GRID2: variants seen among roughly 807,000 people sequenced by gnomAD.
GRID2 encodes the protein glutamate receptor ionotropic, delta-2.
Under a neutral mutation model 114.8 loss-of-function variants are expected in GRID2, and 33 were observed. The observed-to-expected ratio is 0.29, with a 90% CI of 0.22 to 0.38. GRID2 has a LOEUF of 0.38. GRID2 is among the 10% of genes least tolerant of loss of function. GRID2 has a pLI of 1.00. For synonymous variants in GRID2, 505 were observed against 449.9 expected (o/e 1.12, Z -1.55); for missense variants, 1,184 against 1,257.7 (o/e 0.94, Z 0.89).
chr4:92,805,646 T>G (rs907102801), intron 2 of GRID2, among the ~76,000 whole-genome samples: 11 of 151,950 alleles, frequency 7.2e-5, no homozygotes, highest in Non-Finnish European at 1.5e-4. Flanking sequence ...TAAAGGAAGA[T>G]GATTTGCTTG....
chr4:92,684,800 G>C lies in GRID2; in HGVS notation c.244+94514G>C, dbSNP rs541857578. Among the ~76,000 whole-genome samples, 3 of 152,178 alleles carry C rather than the reference G, an allele frequency of 2.0e-5. No homozygotes were observed. The East Asian group carries it at 5.8e-4, about 29-fold the overall frequency. On this transcript the variant is annotated intron_variant, in intron 2 of 15. Coordinates refer to ENST00000282020, the MANE Select transcript of GRID2 (RefSeq NM_001510.4). Reference sequence around the variant, plus strand: ...TAAGGATAACATAATGTTTGTGGTTGTCAGATGATTTTTAGACTTATGAAA... The same window carrying C: ...TAAGGATAACATAATGTTTGTGGTTCTCAGATGATTTTTAGACTTATGAAA...
chr4:92,523,999 G>A (rs17318607), intron 1 of GRID2, among the ~76,000 whole-genome samples: 32,684 of 151,926 alleles, frequency 0.22, 4,237 homozygotes, highest in Non-Finnish European at 0.28. Context: ...GCTTAAAGGG[G>A]AATTTTACTT....
chr4:92,754,030 A>C (rs989093145), intron 2 of GRID2, among the ~76,000 whole-genome samples: 1 of 152,218 alleles, frequency 6.6e-6, no homozygotes, highest in African/African-American at 2.4e-5. Flanking sequence ...CAACATAAAC[A>C]CAAACACATC....
At chr4:93,706,961 T>C (rs1004265556) in intron 14 of GRID2, among the ~76,000 whole-genome samples, 1 of 152,090 alleles carries the variant, frequency 6.6e-6, no homozygotes, top group African/African-American at 2.4e-5. Flanking sequence ...AATTGAAATA[T>C]CATATGATTT....
chr4:93,506,032 C>T (rs1261362773), intron 12 of GRID2, among the ~76,000 whole-genome samples: 2 of 152,138 alleles, frequency 1.3e-5, no homozygotes, highest in East Asian at 1.9e-4. Context: ...TCCATCTTCC[C>T]TTAGATTCTC....
In GRID2 at chr4:93,575,483, AGAAGCC is replaced by A. The variant is rs1736337322; in HGVS notation, c.2194-50782_2194-50777del. ...AATATGTAGGCTTTGATGGTTTTGT[AGAAGCC>A]GAATCCTTCCCATATCTGCCACTTA... is the stretch of plus-strand genomic sequence containing the variant. On this transcript the variant is annotated intron_variant, in intron 13 of 15. Transcript: ENST00000282020. Among the ~76,000 whole-genome samples the A allele has an allele frequency of 2.6e-5, 4 of 152,282 alleles. No homozygotes were observed. In the South Asian group the frequency reaches 8.3e-4, roughly 32 times the overall value.
intron 2 of GRID2, among the ~76,000 whole-genome samples, chr4:92,897,042 C>G (rs1176482817): frequency 2.0e-5 from 3 of 152,002 alleles, no homozygotes; most frequent in African/African-American, 7.2e-5. Flanking sequence ...GCGCCCAGCC[C>G]AAACCCAGGT....
At chr4:93,455,592 A>G in intron 10 of GRID2, 70 bp from the exon 11 acceptor site, 1 of 1,042,400 alleles carries the variant, frequency 9.6e-7, no homozygotes, top group Admixed American at 2.0e-5. Context: ...TCCTCGAGGC[A>G]AGCTGAAGTG....
chr4:93,026,929 A>G (rs1398282034), intron 2 of GRID2, among the ~76,000 whole-genome samples: 1 of 152,086 alleles, frequency 6.6e-6, no homozygotes, highest in Non-Finnish European at 1.5e-5. Context: ...GGTAACACCA[A>G]GAATAGGCAA....
chr4:93,230,977 G>T (rs1746061777), intron 7 of GRID2, among the ~76,000 whole-genome samples: 1 of 152,054 alleles, frequency 6.6e-6, no homozygotes, highest in Non-Finnish European at 1.5e-5. Flanking sequence ...CCTAGAGCAA[G>T]CTTTCAAACT....
chr4:92,887,644 T>C (rs746881021), intron 2 of GRID2, among the ~76,000 whole-genome samples: 1 of 152,232 alleles, frequency 6.6e-6, no homozygotes, highest in Non-Finnish European at 1.5e-5. Context: ...CCAGGTCTAC[T>C]GCAAAGTAGA....
chr4:92,846,311 G>A (rs1244751875), intron 2 of GRID2, among the ~76,000 whole-genome samples: 2 of 151,762 alleles, frequency 1.3e-5, no homozygotes, highest in East Asian at 3.9e-4. Context: ...TTGAGTCTTT[G>A]GCCCCCTTCA....
chr4:92,887,820 T>C (rs1746480761), intron 2 of GRID2, among the ~76,000 whole-genome samples: 1 of 152,366 alleles, frequency 6.6e-6, no homozygotes, highest in Non-Finnish European at 1.5e-5. Flanking sequence ...TCTGATTCTG[T>C]CCTTAAGTTC....
At chr4:93,544,060 T>C (rs1002723344) in intron 13 of GRID2, among the ~76,000 whole-genome samples, 6 of 152,230 alleles carry the variant, frequency 3.9e-5, no homozygotes, top group Non-Finnish European at 8.8e-5. Flanking sequence ...TGTGATGTTT[T>C]CATGCTAGAC....
chr4:93,185,008 T>C (rs1039588182), intron 4 of GRID2, among the ~76,000 whole-genome samples: 3 of 152,234 alleles, frequency 2.0e-5, no homozygotes, highest in African/African-American at 7.2e-5. Context: ...CTTGAATAAC[T>C]ACAGGGTTAG....
chr4:93,100,220 C>T (rs1326785069), intron 3 of GRID2, among the ~76,000 whole-genome samples: 1 of 151,814 alleles, frequency 6.6e-6, no homozygotes, highest in Non-Finnish European at 1.5e-5. Flanking sequence ...AAAGATGCCT[C>T]TTATACTGAA....
Position 93,608,701 on chromosome 4 carries a change from T to A in GRID2, c.2194-17568T>A, listed in dbSNP as rs370267079. 1.6e-5 allele frequency among the ~76,000 whole-genome samples: 2 copies of A among 127,458 alleles called. 1 individual carries two copies. The highest frequency in any genetic ancestry group is 4.0e-4 in the East Asian group (2 of 5,022). The allele number at this position is 127,458 out of a possible 152,430, so 83.6% of individuals were successfully genotyped here. On this transcript the variant is annotated intron_variant, in intron 13 of 15. Transcript: ENST00000282020. Reference sequence around the variant, plus strand: ...GTATATGTGCCCCATTTTCTTAATCTAGTCTATCATTGTTGGACATTTGGG... The same window carrying A: ...GTATATGTGCCCCATTTTCTTAATCAAGTCTATCATTGTTGGACATTTGGG...
chr4:92,950,648 A>G (rs1191247088), intron 2 of GRID2, among the ~76,000 whole-genome samples: 2 of 152,334 alleles, frequency 1.3e-5, no homozygotes, highest in African/African-American at 4.8e-5. Context: ...CCAACGAAGC[A>G]TGGCAATGCA....
At chr4:93,098,048 A>C (rs1054098630) in intron 3 of GRID2, among the ~76,000 whole-genome samples, 2 of 151,892 alleles carry the variant, frequency 1.3e-5, no homozygotes, top group Non-Finnish European at 2.9e-5. Flanking sequence ...TAGTTTTTCC[A>C]TCTCTCTGTA....
Sources: allele counts gnomAD v4.1 joint callset (sites outside exome capture counted in the v4.1 genomes callset), GRCh38; gene constraint gnomAD v4.1.1; transcripts MANE v1.5; gene names NCBI Gene and HGNC (gene_info 2026-07-23, HGNC 2026-07-21).